CTNNA3: variants seen among roughly 807,000 people sequenced by gnomAD.
The protein encoded by CTNNA3 is catenin alpha 3, also known as catenin alpha-3.
Under a neutral mutation model 95.7 loss-of-function variants are expected in CTNNA3, and 76 were observed. The ratio of observed to expected loss-of-function variants is 0.79; its 90% CI spans 0.66 to 0.96. The LOEUF is 0.96. CTNNA3 is among the 40% of genes least tolerant of loss of function. CTNNA3 has a pLI of 0.00. For missense variants in CTNNA3, 1,191 were observed against 1,089.8 expected (o/e 1.09, Z -1.31); for synonymous variants, 431 against 374.4 (o/e 1.15, Z -1.74).
chr10:67,696,222 C>G (rs1225016757), upstream of CTNNA3: 10 of 152,152 alleles, frequency 6.6e-5, no homozygotes. Flanking sequence ...TGGGTGGTAT[C>G]TAATCCTGAA....
At chr10:67,023,149 T>C (rs1319138608) in intron 7 of CTNNA3, among the ~76,000 whole-genome samples, 1 of 152,122 alleles carries the variant, frequency 6.6e-6, no homozygotes, top group East Asian at 1.9e-4. Context: ...TAGATTCTAA[T>C]ATTTATGTGG....
intron 7 of CTNNA3, among the ~76,000 whole-genome samples, chr10:66,960,112 C>A (rs776960391): frequency 6.6e-6 from 1 of 152,042 alleles, no homozygotes; most frequent in Non-Finnish European, 1.5e-5. Flanking sequence ...AAAAATATTT[C>A]TTTCTCTCCT....
intron 7 of CTNNA3, among the ~76,000 whole-genome samples, chr10:67,174,577 C>T (rs1862154659): frequency 6.6e-6 from 1 of 152,126 alleles, no homozygotes; most frequent in Non-Finnish European, 1.5e-5. Context: ...AAAGTTATTT[C>T]CAAAACAATT....
chr10:66,413,260 C>A (rs559690607), intron 11 of CTNNA3, among the ~76,000 whole-genome samples: 6 of 152,206 alleles, frequency 3.9e-5, no homozygotes, highest in East Asian at 3.9e-4. Flanking sequence ...CCCTTGAGAA[C>A]TTGTTGTATA....
chr10:66,625,437 G>A (rs1162228753), intron 9 of CTNNA3, among the ~76,000 whole-genome samples: 3 of 152,086 alleles, frequency 2.0e-5, no homozygotes, highest in Non-Finnish European at 4.4e-5. Flanking sequence ...CGCCCAGGCT[G>A]GAGTGCAGTG....
At chr10:66,658,364 T>C (rs899366265) in intron 9 of CTNNA3, among the ~76,000 whole-genome samples, 4 of 152,100 alleles carry the variant, frequency 2.6e-5, no homozygotes, top group African/African-American at 9.7e-5. Context: ...ATTTCTGGAA[T>C]GAGCAATTAA....
intron 5 of CTNNA3, among the ~76,000 whole-genome samples, chr10:67,434,339 T>A (rs1456501804): frequency 6.6e-6 from 1 of 151,932 alleles, no homozygotes; most frequent in Non-Finnish European, 1.5e-5. Flanking sequence ...TAGGATAAGG[T>A]CCATAAGCCC....
chr10:66,391,914 G>C (rs536038250), intron 11 of CTNNA3, among the ~76,000 whole-genome samples: 1 of 151,760 alleles, frequency 6.6e-6, no homozygotes, highest in African/African-American at 2.4e-5. Flanking sequence ...CAGAAGAAAA[G>C]ATATAAAGCA....
At chr10:66,077,206 A>G (rs2080583119) in intron 14 of CTNNA3, among the ~76,000 whole-genome samples, 1 of 151,718 alleles carries the variant, frequency 6.6e-6, no homozygotes, top group Admixed American at 6.6e-5. Context: ...TTTAAGAAAA[A>G]CCCAAATATG....
intron 13 of CTNNA3, among the ~76,000 whole-genome samples, chr10:66,167,012 A>G (rs2085165646): frequency 6.6e-6 from 1 of 152,158 alleles, no homozygotes; most frequent in African/African-American, 2.4e-5. Context: ...GAAACTGGAA[A>G]GTAAGGCAGA....
Position 66,103,285 on chromosome 10 carries a change from G to A in CTNNA3, c.1885-36C>T, listed in dbSNP as rs374272559. 5.2e-6 allele frequency: 8 copies of A among 1,524,940 alleles called. No individual in the cohort carries two copies. The African/African-American group carries it at 8.2e-5, about 16-fold the overall frequency. The allele number at this position is 1,524,940 out of a possible 1,614,324, so 94.5% of individuals were successfully genotyped here. On this transcript the variant is annotated intron_variant, in intron 13 of 17. Transcript: ENST00000433211. ...AAAGCAAAACATTGCTAGTGGGAAT[G>A]TAAAAGCATTTCTTCTTTGGAAAAC... is the stretch of plus-strand genomic sequence containing the variant.
Position 66,630,740 on chromosome 10 carries a change from C to T in CTNNA3, c.1282-8956G>A, listed in dbSNP as rs1279913443. On this transcript the variant is annotated intron_variant, in intron 9 of 17. Coordinates refer to ENST00000433211, the MANE Select transcript of CTNNA3 (RefSeq NM_013266.4). ...CCTTCTCTTTCTCCTAGTGAAGCAGCGCTGCTCTGCTTCCCTTGGTAGTAA... is the reference window on the plus strand; with the variant it reads ...CCTTCTCTTTCTCCTAGTGAAGCAGTGCTGCTCTGCTTCCCTTGGTAGTAA... Among the ~76,000 whole-genome samples, 4 of 149,510 alleles carry T rather than the reference C, an allele frequency of 2.7e-5. No homozygotes were observed. The South Asian group carries it at 6.4e-4, about 24-fold the overall frequency.
intron 1 of CTNNA3, among the ~76,000 whole-genome samples, chr10:67,693,048 A>G (rs966124184): frequency 1.3e-5 from 2 of 152,224 alleles, no homozygotes; most frequent in African/African-American, 2.4e-5. Flanking sequence ...AGGGTGCCAA[A>G]TAAACTTGAC....
At chr10:67,016,566 G>A (rs1026138769) in intron 7 of CTNNA3, among the ~76,000 whole-genome samples, 48 of 152,194 alleles carry the variant, frequency 3.2e-4, no homozygotes, top group African/African-American at 1.0e-3. Context: ...AGAGTCTCAG[G>A]CGGGATTTCT....
At chr10:67,665,664 C>T (rs1393370965) in intron 1 of CTNNA3, 6 of 152,268 alleles carry the variant, frequency 3.9e-5, no homozygotes, top group African/African-American at 1.4e-4. Flanking sequence ...CATCTGTAAG[C>T]AAACAGCCTG....
At chr10:66,196,915 T>C (rs1403668994) in intron 13 of CTNNA3, among the ~76,000 whole-genome samples, 3 of 152,156 alleles carry the variant, frequency 2.0e-5, no homozygotes, top group Non-Finnish European at 4.4e-5. Context: ...AGTAGACAGA[T>C]GAAGCTGAGT....
intron 10 of CTNNA3, among the ~76,000 whole-genome samples, chr10:66,539,964 T>C (rs1387157761): frequency 6.6e-6 from 1 of 152,108 alleles, no homozygotes; most frequent in Non-Finnish European, 1.5e-5. Context: ...CAATGTTTGT[T>C]AAATGTTGTC....
At chr10:66,595,802 AATTTATTT>A (rs530253652) in intron 10 of CTNNA3, among the ~76,000 whole-genome samples, 2,113 of 151,500 alleles carry the variant, frequency 0.014, 47 homozygotes, top group African/African-American at 0.049. Flanking sequence ...GTACTTAGCT[AATTTATTT>A]ATTTATTTAT....
At chr10:67,306,822 C>T (rs1227334421) in intron 5 of CTNNA3, among the ~76,000 whole-genome samples, 1 of 152,038 alleles carries the variant, frequency 6.6e-6, no homozygotes, top group Non-Finnish European at 1.5e-5. Context: ...TTTTACCTGA[C>T]TTCTAGATCC....
Sources: gnomAD v4.1 joint callset for allele counts (sites outside exome capture counted in the v4.1 genomes callset) on GRCh38, gnomAD v4.1.1 for gene constraint, MANE v1.5 for transcripts, NCBI Gene and HGNC (gene_info 2026-07-23, HGNC 2026-07-21) for gene names.